The following TP63 variants were observed in gnomAD, a reference collection of about 807,000 sequenced individuals.
TP63 encodes the protein tumor protein 63.
TP63 carries 17 observed loss-of-function variants against 82.8 expected under a neutral mutation model. The observed-to-expected ratio is 0.21, with a 90% CI of 0.14 to 0.31. TP63 has a LOEUF of 0.31. TP63 is among the 10% of genes least tolerant of loss of function. TP63 has a pLI of 1.00. For synonymous variants in TP63, 330 were observed against 321.7 expected (o/e 1.03, Z -0.28); for missense variants, 648 against 895.3 (o/e 0.72, Z 3.52).
At position 189,815,254 on chromosome 3, in the gene TP63, G is replaced by A. The variant is rs191041527; in HGVS notation, c.579+6728G>A. Among the ~76,000 whole-genome samples, 35 of 151,892 alleles carry A rather than the reference G, an allele frequency of 2.3e-4. No individual in the cohort carries two copies. In the East Asian group the frequency reaches 4.1e-3, roughly 18 times the overall value. ...GAGAACATGATATATATCAATCACC[G>A]TGGAAATTTTTATCAGGATTAAATT... On this transcript the variant is annotated intron_variant, in intron 4 of 13. Coordinates refer to ENST00000264731, the MANE Select transcript of TP63 (RefSeq NM_003722.5).
chr3:189,671,274 A>G (rs368417943), intron 1 of TP63, among the ~76,000 whole-genome samples: 1 of 152,118 alleles, frequency 6.6e-6, no homozygotes, highest in South Asian at 2.1e-4. Context: ...TACAAAAAAT[A>G]TAAGAAAAAA....
intron 10 of TP63, among the ~76,000 whole-genome samples, chr3:189,884,622 A>T (rs1309148375): frequency 6.6e-6 from 1 of 152,200 alleles, no homozygotes; most frequent in African/African-American, 2.4e-5. Flanking sequence ...GTAACCTGAA[A>T]TGTTTTATAG....
chr3:189,745,102 A>T (rs1188150253), intron 3 of TP63, among the ~76,000 whole-genome samples: 1 of 152,250 alleles, frequency 6.6e-6, no homozygotes, highest in African/African-American at 2.4e-5. Context: ...TTCATAGATA[A>T]TGTCTTCAGG....
At chr3:189,844,971 C>G (rs1714676658) in intron 4 of TP63, among the ~76,000 whole-genome samples, 1 of 152,122 alleles carries the variant, frequency 6.6e-6, no homozygotes, top group Non-Finnish European at 1.5e-5. Flanking sequence ...ATTTTTCATT[C>G]CCAGCAGTTC....
intron 1 of TP63, among the ~76,000 whole-genome samples, chr3:189,712,546 G>C (rs188107771): frequency 5.9e-5 from 9 of 152,130 alleles, no homozygotes; most frequent in African/African-American, 2.2e-4. Context: ...AGGGCACACA[G>C]CAGCTCTTTG....
At chr3:189,613,663 GCAGA>G in the TP63 span, among the ~76,000 whole-genome samples, 1 of 152,246 alleles carries the variant, frequency 6.6e-6, no homozygotes, top group African/African-American at 2.4e-5. Flanking sequence ...TGGAAAAGTG[GCAGA>G]CACTCATGAA....
At chr3:189,729,848 A>C (rs1720033738) in intron 1 of TP63, among the ~76,000 whole-genome samples, 1 of 152,200 alleles carries the variant, frequency 6.6e-6, no homozygotes, top group Admixed American at 6.5e-5. Flanking sequence ...GTCCTTGGGC[A>C]CTGTTAGGTA....
intron 3 of TP63, among the ~76,000 whole-genome samples, chr3:189,786,216 A>G (rs1399514220): frequency 6.6e-6 from 1 of 151,920 alleles, no homozygotes; most frequent in Admixed American, 6.6e-5. Flanking sequence ...ATACAGACAT[A>G]CATTCTGGAA....
rs1031656639 is a variant in TP63, at chr3:189,738,535, T to C, written c.192-107T>C. On this transcript the variant is annotated intron_variant, in intron 2 of 13. Coordinates refer to ENST00000264731, the MANE Select transcript of TP63 (RefSeq NM_003722.5). ...AGAGTTTCTAACTCCAAGAAACCAA[T>C]GAGCCTTGCTGACTTTGAAGCAGAA... 9 of 1,536,258 alleles carry C rather than the reference T, an allele frequency of 5.9e-6. No homozygotes were observed. The African/African-American group carries it at 1.1e-4, about 19-fold the overall frequency.
At chr3:189,756,043 G>C (rs1036429285) in intron 3 of TP63, among the ~76,000 whole-genome samples, 1 of 152,126 alleles carries the variant, frequency 6.6e-6, no homozygotes, top group East Asian at 1.9e-4. Context: ...GTAAAAGAGG[G>C]CTAGACAAAG....
chr3:189,811,670 A>T (rs1727585541), intron 4 of TP63, among the ~76,000 whole-genome samples: 1 of 152,222 alleles, frequency 6.6e-6, no homozygotes, highest in South Asian at 2.1e-4. Flanking sequence ...TATTTATCTT[A>T]GTTGAGCCTC....
intron 4 of TP63, among the ~76,000 whole-genome samples, chr3:189,861,100 A>G (rs546433389): frequency 6.6e-6 from 1 of 151,834 alleles, no homozygotes; most frequent in African/African-American, 2.4e-5. Context: ...TATGTTTAGT[A>G]GAGACTGGAT....
At chr3:189,845,465 G>A (rs1264268020) in intron 4 of TP63, among the ~76,000 whole-genome samples, 1 of 152,068 alleles carries the variant, frequency 6.6e-6, no homozygotes, top group African/African-American at 2.4e-5. Context: ...TTTGCTTAAA[G>A]TTACAGTTCC....
intron 4 of TP63, among the ~76,000 whole-genome samples, chr3:189,860,153 G>A (rs1421816406): frequency 6.6e-6 from 1 of 151,954 alleles, no homozygotes; most frequent in African/African-American, 2.4e-5. Context: ...ATACAAAAAA[G>A]AATAAATTAG....
intron 1 of TP63, among the ~76,000 whole-genome samples, chr3:189,682,549 A>T (rs1406876694): frequency 8.6e-4 from 26 of 30,310 alleles, no homozygotes; most frequent in African/African-American, 2.5e-3. Context: ...AAAAAAAAAA[A>T]AAAAATATAT....
At chr3:189,802,064 T>A (rs1726366400) in intron 3 of TP63, among the ~76,000 whole-genome samples, 1 of 152,198 alleles carries the variant, frequency 6.6e-6, no homozygotes, top group African/African-American at 2.4e-5. Flanking sequence ...TGTTTAATTC[T>A]AGCATAAAAG....
chr3:189,891,780 C>T (rs1721042430), intron 13 of TP63, among the ~76,000 whole-genome samples: 1 of 152,190 alleles, frequency 6.6e-6, no homozygotes, highest in Admixed American at 6.5e-5. Flanking sequence ...TTAGGCCGCG[C>T]TCTTCATGCT....
chr3:189,768,952 T>C (rs533591413), intron 3 of TP63, among the ~76,000 whole-genome samples: 298 of 152,250 alleles, frequency 2.0e-3, no homozygotes, highest in Non-Finnish European at 3.6e-3. Flanking sequence ...AGCAAATTAA[T>C]CTGGCTGCAG....
At chr3:189,886,329 A>G in intron 10 of TP63, 65 bp from the exon 11 acceptor site, 2 of 1,564,284 alleles carry the variant, frequency 1.3e-6, no homozygotes, top group Non-Finnish European at 1.8e-6. Context: ...AGACCTGTTG[A>G]AAATCAATAG....
Sources: allele counts gnomAD v4.1 joint callset (sites outside exome capture counted in the v4.1 genomes callset), GRCh38; gene constraint gnomAD v4.1.1; transcripts MANE v1.5; gene names NCBI Gene and HGNC (gene_info 2026-07-23, HGNC 2026-07-21).